The following LHPP variants were observed in gnomAD, a reference collection of about 807,000 sequenced individuals.
LHPP encodes hLHPP.
LHPP carries 24 observed loss-of-function variants against 30.3 expected under a neutral mutation model. The ratio of observed to expected loss-of-function variants is 0.79; its 90% confidence interval spans 0.57 to 1.11. The LOEUF is 1.11. Ranked by LOEUF, LHPP falls within the 50% of genes most tolerant of loss-of-function variation. The pLI, the probability that LHPP is intolerant of heterozygous loss-of-function variation, is 0.00. For missense variants in LHPP, 356 were observed against 367.2 expected, an observed-to-expected ratio of 0.97 and a Z score of 0.25; for synonymous variants, 150 against 157.1, an observed-to-expected ratio of 0.95 and a Z score of 0.34.
intron 1 of LHPP, among the ~76,000 whole-genome samples, chr10:124,480,649 C>T (rs771625395): frequency 3.3e-5 from 5 of 152,174 alleles, no homozygotes; most frequent in Non-Finnish European, 7.3e-5. Context: ...CAAGGTGACG[C>T]TATTAGTTAC....
intron 6 of LHPP, among the ~76,000 whole-genome samples, chr10:124,540,807 C>G (rs1955165262): frequency 6.6e-6 from 1 of 152,146 alleles, no homozygotes; most frequent in Non-Finnish European, 1.5e-5. Context: ...CAGAGTCCTC[C>G]TAAGTTCTGG....
rs1035075866 is a variant in LHPP, at chr10:124,542,764, C to T, written c.716+25493C>T. On this transcript the variant is annotated intron_variant, in intron 6 of 6. Transcript: ENST00000368842. ...CCCCGCCCTGCTGCCTCTTCTTGAT[C>T]GCCTCCTTGCCCCTACTCTCCCCTC... Among the ~76,000 whole-genome samples, 8 of 152,296 alleles carry T rather than the reference C, an allele frequency of 5.3e-5. No individual in the cohort carries two copies. The East Asian group carries it at 1.4e-3, about 26-fold the overall frequency.
chr10:124,604,453 T>C (rs192974146), intron 6 of LHPP, among the ~76,000 whole-genome samples: 2 of 152,322 alleles, frequency 1.3e-5, no homozygotes, highest in Non-Finnish European at 2.9e-5. Context: ...GTGTGTGATG[T>C]ACCGGTGCAG....
chr10:124,527,160 C>T (rs977218389), intron 6 of LHPP, among the ~76,000 whole-genome samples: 2 of 152,226 alleles, frequency 1.3e-5, no homozygotes, highest in Admixed American at 6.5e-5. Context: ...CTCGGGGACA[C>T]GGCCAGGGCT....
At chr10:124,537,841 G>A (rs1267718430) in intron 6 of LHPP, among the ~76,000 whole-genome samples, 2 of 152,184 alleles carry the variant, frequency 1.3e-5, no homozygotes, top group Non-Finnish European at 2.9e-5. Flanking sequence ...GGCTTGAGTC[G>A]CCCCGTTATG....
intron 1 of LHPP, among the ~76,000 whole-genome samples, chr10:124,477,000 G>A (rs1952970113): frequency 6.6e-6 from 1 of 152,198 alleles, no homozygotes; most frequent in South Asian, 2.1e-4. Context: ...GAGGTCAGGA[G>A]TTCAAGACCA....
intron 6 of LHPP, among the ~76,000 whole-genome samples, chr10:124,538,087 C>T (rs1007104148): frequency 6.6e-6 from 1 of 152,212 alleles, no homozygotes; most frequent in Admixed American, 6.5e-5. Flanking sequence ...CTGCGGGGCC[C>T]GCCATGCGGG....
chr10:124,503,392 C>G (rs755330189), intron 5 of LHPP, among the ~76,000 whole-genome samples: 79 of 152,036 alleles, frequency 5.2e-4, no homozygotes, highest in Middle Eastern at 3.4e-3. Context: ...ATGTGTGGCC[C>G]AAGACATTTC....
intron 6 of LHPP, among the ~76,000 whole-genome samples, chr10:124,570,845 C>T (rs988628442): frequency 1.3e-5 from 2 of 152,192 alleles, no homozygotes; most frequent in Non-Finnish European, 2.9e-5. Context: ...TGTGGATAGG[C>T]CACATTTTGT....
chr10:124,490,978 T>TAGAGTTCTGGAATCAC (rs1953506088), intron 3 of LHPP, among the ~76,000 whole-genome samples: 1 of 150,026 alleles, frequency 6.7e-6, no homozygotes, highest in African/African-American at 2.5e-5. Flanking sequence ...CTGCACAGCC[T>TAGAGTTCTGGAATCAC]AGAGTTCTGG....
intron 6 of LHPP, among the ~76,000 whole-genome samples, chr10:124,548,320 T>TTAAC (rs945862068): frequency 6.6e-6 from 1 of 152,138 alleles, no homozygotes; most frequent in African/African-American, 2.4e-5. Context: ...GTGGTTGGTG[T>TTAAC]TAACTCCTCT....
intron 6 of LHPP, among the ~76,000 whole-genome samples, chr10:124,609,962 T>C (rs1164958918): frequency 2.0e-5 from 3 of 152,234 alleles, no homozygotes; most frequent in African/African-American, 7.2e-5. Context: ...AGTGTGCCTT[T>C]GGTGAACGTG....
At chr10:124,579,225 G>A (rs1366396720) in intron 6 of LHPP, among the ~76,000 whole-genome samples, 1 of 152,234 alleles carries the variant, frequency 6.6e-6, no homozygotes, top group East Asian at 1.9e-4. Context: ...TGAGCAGGCA[G>A]CCCACCACCG....
intron 6 of LHPP, among the ~76,000 whole-genome samples, chr10:124,554,581 C>T (rs368145742): frequency 5.9e-5 from 9 of 152,342 alleles, no homozygotes; most frequent in African/African-American, 2.2e-4. Flanking sequence ...GCCACTGCTT[C>T]ATTAATGCTG....
chr10:124,489,181 TA>T (rs1480350386), intron 3 of LHPP, among the ~76,000 whole-genome samples: 1 of 152,220 alleles, frequency 6.6e-6, no homozygotes, highest in Non-Finnish European at 1.5e-5. Flanking sequence ...GAAGAAAAAT[TA>T]GACAATACAG....
At chr10:124,504,124 G>A (rs1308680614) in intron 5 of LHPP, among the ~76,000 whole-genome samples, 3 of 151,922 alleles carry the variant, frequency 2.0e-5, no homozygotes, top group Non-Finnish European at 2.9e-5. Flanking sequence ...CCCAGGAGGC[G>A]GAGGTTACAG....
intron 5 of LHPP, among the ~76,000 whole-genome samples, chr10:124,502,519 C>G (rs1380817252): frequency 2.0e-5 from 3 of 151,544 alleles, no homozygotes; most frequent in African/African-American, 7.3e-5. Context: ...CGCCCGCCAC[C>G]ATGCCTGAGT....
intron 1 of LHPP, among the ~76,000 whole-genome samples, chr10:124,476,070 G>A (rs1329877847): frequency 6.6e-6 from 1 of 152,058 alleles, no homozygotes; most frequent in Non-Finnish European, 1.5e-5. Context: ...GAGTTCTGCC[G>A]GCAGGTGAGG....
At chr10:124,572,672 A>AAG (rs1241188048) in intron 6 of LHPP, among the ~76,000 whole-genome samples, 25 of 150,432 alleles carry the variant, frequency 1.7e-4, no homozygotes, top group African/African-American at 5.6e-4. Flanking sequence ...AAGAAAAGAA[A>AAG]AAAAAGAAGG....
Sources: allele counts gnomAD v4.1 joint callset (sites outside exome capture counted in the v4.1 genomes callset), GRCh38; gene constraint gnomAD v4.1.1; transcripts MANE v1.5; gene names NCBI Gene and HGNC (gene_info 2026-07-23, HGNC 2026-07-21).